GARIN2: variants seen among roughly 807,000 people sequenced by gnomAD.
GARIN2 encodes the protein golgi associated RAB2 interactor family member 2, also known as Golgi-associated RAB2 interactor protein 2.
the GARIN2 span, among the ~76,000 whole-genome samples, chr14:67,226,832 T>C: frequency 6.6e-6 from 1 of 152,192 alleles, no homozygotes; most frequent in East Asian, 1.9e-4. Flanking sequence ...TCTTTCCCCC[T>C]TAAGAATGCT....
At chr14:67,211,628 A>G in the GARIN2 span, among the ~76,000 whole-genome samples, 2 of 152,188 alleles carry the variant, frequency 1.3e-5, no homozygotes, top group Non-Finnish European at 2.9e-5. Flanking sequence ...GTAATATAGC[A>G]ATCAATTTAA....
chr14:67,199,905 G>A, the GARIN2 span: 3 of 1,478,442 alleles, frequency 2.0e-6, no homozygotes, highest in Non-Finnish European at 2.7e-6. Flanking sequence ...GAACCCCAGG[G>A]GCAGGACATC....
At chr14:67,204,560 CTCTT>C in the GARIN2 span, 1 of 1,613,406 alleles carries the variant, frequency 6.2e-7, no homozygotes, top group Non-Finnish European at 8.5e-7. Context: ...CAGTTTGTGA[CTCTT>C]TCTGTGCATG....
chr14:67,198,244 A>T, the GARIN2 span: 10 of 1,613,948 alleles, frequency 6.2e-6, no homozygotes, highest in Non-Finnish European at 8.5e-6. Flanking sequence ...GATCCGAGAG[A>T]TCTTCAAAAT....
the GARIN2 span, among the ~76,000 whole-genome samples, chr14:67,196,535 A>G: frequency 6.6e-6 from 1 of 152,088 alleles, no homozygotes; most frequent in Non-Finnish European, 1.5e-5. Context: ...AGCTTTCTTA[A>G]TCTTACTAGA....
the GARIN2 span, chr14:67,228,472 G>T: frequency 5.0e-6 from 1 of 199,242 alleles, no homozygotes; most frequent in South Asian, 1.7e-4. Context: ...CACAGCTCAG[G>T]GAAAGACAAT....
the GARIN2 span, among the ~76,000 whole-genome samples, chr14:67,217,319 T>G: frequency 6.6e-6 from 1 of 152,188 alleles, no homozygotes; most frequent in African/African-American, 2.4e-5. Flanking sequence ...GTAAGTTTCA[T>G]GTAGGCAGCA....
the GARIN2 span, among the ~76,000 whole-genome samples, chr14:67,191,453 A>G: frequency 6.6e-6 from 1 of 152,234 alleles, no homozygotes; most frequent in Non-Finnish European, 1.5e-5. Flanking sequence ...TGAATTAGGC[A>G]GTCAGAAAAG....
At chr14:67,220,383 A>G in the GARIN2 span, among the ~76,000 whole-genome samples, 1 of 152,200 alleles carries the variant, frequency 6.6e-6, no homozygotes. Flanking sequence ...TCAAGGCTGC[A>G]AAGAGCCATG....
At chr14:67,204,550 C>A in the GARIN2 span, 1 of 1,612,862 alleles carries the variant, frequency 6.2e-7, no homozygotes, top group South Asian at 1.1e-5. Context: ...TCTCCCTCTG[C>A]AGTTTGTGAC....
At chr14:67,199,310 A>G in the GARIN2 span, 3 of 1,610,508 alleles carry the variant, frequency 1.9e-6, no homozygotes, top group Non-Finnish European at 2.5e-6. Context: ...TGGGAAGCCA[A>G]TACGGGTGAA....
the GARIN2 span, among the ~76,000 whole-genome samples, chr14:67,213,320 C>G: frequency 1.5e-4 from 17 of 113,634 alleles, no homozygotes; most frequent in Non-Finnish European, 2.8e-4. Context: ...CCCCCTCCCC[C>G]CACCCCACAA....
At chr14:67,207,290 C>T in the GARIN2 span, among the ~76,000 whole-genome samples, 1 of 151,898 alleles carries the variant, frequency 6.6e-6, no homozygotes, top group African/African-American at 2.4e-5. Flanking sequence ...AACTTACAAT[C>T]GTGTGGAAGA....
the GARIN2 span, chr14:67,201,599 C>A: frequency 6.6e-6 from 3 of 452,418 alleles, no homozygotes; most frequent in East Asian, 1.4e-4. Context: ...CTGCTGAAAC[C>A]AGTCACTGGC....
the GARIN2 span, chr14:67,198,010 G>T: frequency 2.5e-6 from 2 of 807,224 alleles, no homozygotes; most frequent in East Asian, 2.7e-5. Context: ...TAATACAAGT[G>T]CCTGGTGCAG....
chr14:67,195,497 C>T, the GARIN2 span, among the ~76,000 whole-genome samples: 1 of 152,076 alleles, frequency 6.6e-6, no homozygotes, highest in Non-Finnish European at 1.5e-5. Flanking sequence ...AAGTGTGAAC[C>T]GTAGACACAC....
chr14:67,196,277 C>T, the GARIN2 span, among the ~76,000 whole-genome samples: 1 of 150,846 alleles, frequency 6.6e-6, no homozygotes, highest in Non-Finnish European at 1.5e-5. Context: ...AGTGCATTGG[C>T]ACAGTCTTGG....
At chr14:67,202,248 C>T in the GARIN2 span, among the ~76,000 whole-genome samples, 1 of 152,148 alleles carries the variant, frequency 6.6e-6, no homozygotes, top group African/African-American at 2.4e-5. Flanking sequence ...CGAGACCAGC[C>T]CCACCAACAT....
the GARIN2 span, chr14:67,204,568 G>A: frequency 1.2e-6 from 2 of 1,613,530 alleles, no homozygotes; most frequent in South Asian, 1.1e-5. Flanking sequence ...GACTCTTTCT[G>A]TGCATGATGC....
Sources: gnomAD v4.1 joint callset for allele counts (sites outside exome capture counted in the v4.1 genomes callset) on GRCh38, gnomAD v4.1.1 for gene constraint, MANE v1.5 for transcripts, NCBI Gene and HGNC (gene_info 2026-07-23, HGNC 2026-07-21) for gene names.